TECPR2: variants seen among roughly 807,000 people sequenced by gnomAD.
TECPR2 encodes the protein tectonin beta-propeller repeat-containing protein 2.
TECPR2 carries 65 observed loss-of-function variants against 138.1 expected under a neutral mutation model. The observed-to-expected ratio is 0.47, with a 90% confidence interval of 0.39 to 0.58. The LOEUF (loss-of-function observed/expected upper bound fraction) is 0.58, where lower values mean the gene tolerates loss of function less well. TECPR2 is among the 20% of genes least tolerant of loss of function. The pLI is 0.00. For synonymous variants in TECPR2, 746 were observed against 749.8 expected (o/e 0.99, Z 0.08); for missense variants, 1,553 against 1,824.5 (o/e 0.85, Z 2.71).
intron 5 of TECPR2, among the ~76,000 whole-genome samples, chr14:102,423,752 T>C (rs1889244469): frequency 6.6e-6 from 1 of 152,196 alleles, no homozygotes; most frequent in Admixed American, 6.5e-5. Flanking sequence ...TTTGTTTGTG[T>C]CAGATATTTC....
rs556223718 is a variant in TECPR2 at position 102,444,935 on chromosome 14, A to G, written c.2934-871A>G. ...ACTCCAGCCTGGGTGACAGAGCAAG[A>G]CTCCATCTCAAAAAACAGACAGACA... On this transcript the variant is annotated intron_variant, in intron 12 of 19. Transcript: ENST00000359520. Among the ~76,000 whole-genome samples, 35 of 152,266 alleles carry G rather than the reference A, an allele frequency of 2.3e-4. 1 individual carries two copies. The highest frequency in any genetic ancestry group is 8.4e-4 in the African/African-American group (35 of 41,544).
chr14:102,452,202 C>T (rs189025490), intron 15 of TECPR2, among the ~76,000 whole-genome samples, 192 bp from the exon 16 acceptor site: 2 of 152,222 alleles, frequency 1.3e-5, no homozygotes, highest in African/African-American at 2.4e-5. Context: ...TTGTTAGTCA[C>T]GGTGTTTCCC....
intron 17 of TECPR2, among the ~76,000 whole-genome samples, chr14:102,475,090 G>A (rs900648032): frequency 8.5e-5 from 13 of 152,192 alleles, no homozygotes; most frequent in Non-Finnish European, 1.8e-4. Context: ...AACCACTGGC[G>A]CCTGTGCTTC....
intron 16 of TECPR2, among the ~76,000 whole-genome samples, chr14:102,457,440 T>G (rs1378063812): frequency 6.6e-6 from 1 of 152,208 alleles, no homozygotes; most frequent in African/African-American, 2.4e-5. Flanking sequence ...GCAGGTGTGC[T>G]GTCTGCCCAG....
At chr14:102,363,647 A>G (rs1887257634) in intron 1 of TECPR2, among the ~76,000 whole-genome samples, 2 of 152,246 alleles carry the variant, frequency 1.3e-5, no homozygotes, top group South Asian at 4.1e-4. Context: ...CAGAATAGGT[A>G]GTAAGTGTTA....
intron 6 of TECPR2, among the ~76,000 whole-genome samples, 184 bp from the exon 7 acceptor site, chr14:102,428,066 G>C (rs1039647590): frequency 2.0e-5 from 3 of 152,168 alleles, no homozygotes; most frequent in Non-Finnish European, 4.4e-5. Flanking sequence ...CTCAGATCCT[G>C]CTTACCAATC....
intron 16 of TECPR2, among the ~76,000 whole-genome samples, chr14:102,458,354 G>A (rs1286324875): frequency 6.6e-6 from 1 of 152,180 alleles, no homozygotes; most frequent in Non-Finnish European, 1.5e-5. Context: ...CCTGGCACCA[G>A]GTGTGCCCAC....
chr14:102,453,223 C>G, intron 16 of TECPR2, among the ~76,000 whole-genome samples: 1 of 152,144 alleles, frequency 6.6e-6, no homozygotes. Flanking sequence ...CACTTGTCAT[C>G]CCAGCACTTT....
chr14:102,412,694 G>A (rs1888915739), intron 4 of TECPR2, among the ~76,000 whole-genome samples: 1 of 151,468 alleles, frequency 6.6e-6, no homozygotes, highest in South Asian at 2.1e-4. Context: ...GGTGTTTTGT[G>A]AAAAAAGCAG....
At chr14:102,436,318 C>CT (rs558287413) in intron 9 of TECPR2, among the ~76,000 whole-genome samples, 12,691 of 135,440 alleles carry the variant, frequency 0.094, 866 homozygotes, top group African/African-American at 0.19. Context: ...TTCTTTCTTT[C>CT]TTTTTTTTTT....
intron 17 of TECPR2, among the ~76,000 whole-genome samples, chr14:102,470,825 T>G (rs890833810): frequency 6.0e-5 from 9 of 149,758 alleles, no homozygotes; most frequent in Admixed American, 2.7e-4. Flanking sequence ...CTTGTGTTTT[T>G]TTTTTTTTTT....
intron 17 of TECPR2, among the ~76,000 whole-genome samples, chr14:102,495,770 G>C (rs1226981750): frequency 6.6e-6 from 1 of 152,158 alleles, no homozygotes; most frequent in African/African-American, 2.4e-5. Context: ...TGGGGCTGAG[G>C]TGTGAGACTT....
chr14:102,406,978 G>A (rs1191784574), intron 2 of TECPR2, among the ~76,000 whole-genome samples: 3 of 152,168 alleles, frequency 2.0e-5, no homozygotes, highest in Non-Finnish European at 4.4e-5. Context: ...TCCTGCCTCA[G>A]CCTCCCAAAT....
intron 17 of TECPR2, among the ~76,000 whole-genome samples, chr14:102,481,719 GT>G (rs1229086242): frequency 2.6e-5 from 4 of 152,224 alleles, no homozygotes; most frequent in Non-Finnish European, 4.4e-5. Flanking sequence ...TCTCTGGAGA[GT>G]TCCTTTCAGT....
At chr14:102,495,567 G>A (rs1241624935) in intron 17 of TECPR2, among the ~76,000 whole-genome samples, 3 of 152,220 alleles carry the variant, frequency 2.0e-5, no homozygotes, top group African/African-American at 2.4e-5. Context: ...TGGGGAGGCC[G>A]GGCGGCTGGG....
chr14:102,369,264 T>C (rs1475031021), intron 1 of TECPR2, among the ~76,000 whole-genome samples: 2 of 152,166 alleles, frequency 1.3e-5, no homozygotes, highest in African/African-American at 4.8e-5. Flanking sequence ...TCAAAGCCCT[T>C]CTTGTGTAGA....
Position 102,407,391 on chromosome 14 carries a change from G to C in TECPR2, c.273G>C (p.Leu91=). The C allele has an allele frequency of 3.1e-6, 5 of 1,613,684 alleles. No individual in the cohort carries two copies. The highest frequency in any genetic ancestry group is 4.2e-6 in the Non-Finnish European group (5 of 1,179,802). Residue 91 remains leucine (L), a synonymous_variant, in exon 3 of 20, where the codon CTG becomes CTC. Coordinates refer to ENST00000359520, the MANE Select transcript of TECPR2 (RefSeq NM_014844.5). ...VVKLLSCFDD[L]VAAGTASGRV... is the part of the protein sequence containing the mutation. Reference sequence around the variant, plus strand: ...AGCTGCTGAGCTGCTTTGATGACCTGGTGGCAGCAGGCACAGCCTCTGGCA... The same window carrying C: ...AGCTGCTGAGCTGCTTTGATGACCTCGTGGCAGCAGGCACAGCCTCTGGCA...
At chr14:102,380,118 A>C (rs1887761417) in intron 2 of TECPR2, among the ~76,000 whole-genome samples, 1 of 150,706 alleles carries the variant, frequency 6.6e-6, no homozygotes, top group South Asian at 2.1e-4. Flanking sequence ...TCACCATCTT[A>C]AAATCCATGC....
Position 102,434,194 on chromosome 14 carries a change from T to C in TECPR2, c.1418-41T>C, listed in dbSNP as rs753152177. On this transcript the variant is annotated intron_variant, in intron 8 of 19. Transcript: ENST00000359520. The stretch of plus-strand genomic sequence containing the variant: ...GCAAGTTAGTCTCTTACTAATCATA[T>C]AGAACCGTGCCTTATTTTGAATGTT... 6 of 1,344,058 alleles carry C rather than the reference T, an allele frequency of 4.5e-6. No homozygotes were observed. In the Admixed American group the frequency reaches 8.3e-5, roughly 19 times the overall value. The allele number at this position is 1,344,058 out of a possible 1,614,324, so 83.3% of individuals were successfully genotyped here.
Sources: gnomAD v4.1 joint callset for allele counts (sites outside exome capture counted in the v4.1 genomes callset) on GRCh38, gnomAD v4.1.1 for gene constraint, MANE v1.5 for transcripts, NCBI Gene and HGNC (gene_info 2026-07-23, HGNC 2026-07-21) for gene names.